The following ANGPT1 variants were observed in gnomAD, a reference collection of about 807,000 sequenced individuals.
ANGPT1 encodes the protein angiopoietin 1, also known as angiopoietin-1.
Under a neutral mutation model 62.2 loss-of-function variants are expected in ANGPT1, and 17 were observed. The observed-to-expected ratio is 0.27, with a 90% CI of 0.19 to 0.41. ANGPT1 has a LOEUF of 0.41. Ranked by LOEUF, ANGPT1 falls within the 10% of genes least tolerant of loss-of-function variation. The probability of loss-of-function intolerance (pLI) is 1.00; values close to 1 mark genes in which losing one functional copy is unlikely to be tolerated. For missense variants in ANGPT1, 478 were observed against 594.9 expected (o/e 0.80, Z 2.04); for synonymous variants, 199 against 198.9 (o/e 1.00, Z 0.00).
intron 2 of ANGPT1, among the ~76,000 whole-genome samples, chr8:107,340,867 T>C (rs1815682583): frequency 1.3e-5 from 2 of 151,994 alleles, no homozygotes; most frequent in Admixed American, 6.6e-5. Flanking sequence ...TTTGCTTTAT[T>C]TTTTTTTCCA....
intron 1 of ANGPT1, among the ~76,000 whole-genome samples, chr8:107,462,001 C>T (rs935996213): frequency 6.6e-6 from 1 of 151,990 alleles, no homozygotes; most frequent in Non-Finnish European, 1.5e-5. Flanking sequence ...TTATTCATTG[C>T]TATTATAATG....
chr8:107,483,069 C>A (rs1812727814), intron 1 of ANGPT1, among the ~76,000 whole-genome samples: 1 of 151,810 alleles, frequency 6.6e-6, no homozygotes, highest in Non-Finnish European at 1.5e-5. Flanking sequence ...TATTTGAATT[C>A]TTTAGTTGTT....
At chr8:107,287,052 A>G (rs1312905804) in intron 6 of ANGPT1, among the ~76,000 whole-genome samples, 1 of 152,154 alleles carries the variant, frequency 6.6e-6, no homozygotes, top group Non-Finnish European at 1.5e-5. Flanking sequence ...TTTGCAGCTC[A>G]GACATGTCAA....
intron 7 of ANGPT1, among the ~76,000 whole-genome samples, chr8:107,279,344 TGGAAAGATAG>T (rs1813941629): frequency 6.6e-6 from 1 of 152,208 alleles, no homozygotes; most frequent in Non-Finnish European, 1.5e-5. Flanking sequence ...AATTGAGAAC[TGGAAAGATAG>T]GTAATGTGTC....
intron 1 of ANGPT1, among the ~76,000 whole-genome samples, chr8:107,418,750 T>C (rs1810818415): frequency 6.6e-6 from 1 of 152,142 alleles, no homozygotes; most frequent in African/African-American, 2.4e-5. Flanking sequence ...GGATCCAACA[T>C]AGAAGCTTCC....
intron 3 of ANGPT1, among the ~76,000 whole-genome samples, chr8:107,328,962 A>C (rs958571913): frequency 6.6e-6 from 1 of 152,028 alleles, no homozygotes; most frequent in Non-Finnish European, 1.5e-5. Flanking sequence ...CATCTATAAA[A>C]ATAGATTGCT....
At chr8:107,397,443 G>GCT (rs1554589877) in intron 1 of ANGPT1, among the ~76,000 whole-genome samples, 1 of 150,832 alleles carries the variant, frequency 6.6e-6, no homozygotes, top group Non-Finnish European at 1.5e-5. Context: ...AATGTTGCTT[G>GCT]TGTGTGTGTG....
intron 1 of ANGPT1, among the ~76,000 whole-genome samples, chr8:107,366,828 T>TA (rs1244094124): frequency 6.6e-6 from 1 of 152,158 alleles, no homozygotes; most frequent in Non-Finnish European, 1.5e-5. Flanking sequence ...CCACTTCAAA[T>TA]ATTGCATTGT....
intron 2 of ANGPT1, among the ~76,000 whole-genome samples, chr8:107,337,967 G>T (rs1380125341): frequency 6.6e-6 from 1 of 152,104 alleles, no homozygotes; most frequent in Non-Finnish European, 1.5e-5. Flanking sequence ...ATGGTGGTTT[G>T]TGCCTGTAGT....
chr8:107,454,072 A>G (rs944104547), intron 1 of ANGPT1, among the ~76,000 whole-genome samples: 4 of 152,094 alleles, frequency 2.6e-5, no homozygotes, highest in African/African-American at 9.7e-5. Flanking sequence ...TACTGATATA[A>G]TATGAATGAA....
intron 4 of ANGPT1, among the ~76,000 whole-genome samples, chr8:107,319,783 G>GCCACTTT (rs1056143346): frequency 7.9e-5 from 12 of 151,944 alleles, no homozygotes; most frequent in Admixed American, 5.9e-4. Flanking sequence ...CCTTATGAGA[G>GCCACTTT]CCACTTTCCA....
chr8:107,351,304 C>CT (rs761398958), intron 1 of ANGPT1, among the ~76,000 whole-genome samples: 36 of 152,220 alleles, frequency 2.4e-4, no homozygotes, highest in South Asian at 4.1e-4. Context: ...TACACATTGT[C>CT]TGACTTCATC....
At chr8:107,399,819 A>T (rs1817008598) in intron 1 of ANGPT1, among the ~76,000 whole-genome samples, 1 of 152,186 alleles carries the variant, frequency 6.6e-6, no homozygotes, top group Non-Finnish European at 1.5e-5. Flanking sequence ...TTGAGATGCC[A>T]ATCTCACTGA....
chr8:107,342,861 G>T lies in ANGPT1; in HGVS notation c.453+4081C>A, dbSNP rs137887752. The stretch of plus-strand genomic sequence containing the variant: ...TATATATATATATATTTAAAGATAG[G>T]GTCTTGCTCTGTCAACCATGCTGGA... On this transcript the variant is annotated intron_variant, in intron 2 of 8. Transcript: ENST00000517746. Among the ~76,000 whole-genome samples, 977 of 149,030 alleles carry T rather than the reference G, an allele frequency of 6.6e-3. 7 individuals carry two copies. Among genetic ancestry groups the T allele is most frequent in the Non-Finnish European group, 0.01 (676 of 67,410 alleles).
At chr8:107,456,261 C>G (rs1351103607) in intron 1 of ANGPT1, among the ~76,000 whole-genome samples, 1 of 152,016 alleles carries the variant, frequency 6.6e-6, no homozygotes, top group Non-Finnish European at 1.5e-5. Context: ...ACATCTTGAG[C>G]AAAGCTGAGA....
chr8:107,487,542 A>G (rs1586364295), intron 1 of ANGPT1, among the ~76,000 whole-genome samples: 1 of 138,512 alleles, frequency 7.2e-6, no homozygotes, highest in East Asian at 2.0e-4. Context: ...TGCGTCATTC[A>G]TCTGCTAAAA....
At chr8:107,490,244 G>A (rs942251520) in intron 1 of ANGPT1, among the ~76,000 whole-genome samples, 1 of 152,184 alleles carries the variant, frequency 6.6e-6, no homozygotes, top group African/African-American at 2.4e-5. Context: ...TGGCTCTAGT[G>A]TTTTGTCAGC....
At chr8:107,254,692 G>A (rs921335437) in intron 8 of ANGPT1, among the ~76,000 whole-genome samples, 4 of 152,124 alleles carry the variant, frequency 2.6e-5, no homozygotes, top group Non-Finnish European at 4.4e-5. Context: ...AGCTTGGGAT[G>A]TGTAGGGACA....
At chr8:107,286,295 T>G (rs1554578842) in intron 6 of ANGPT1, among the ~76,000 whole-genome samples, 1 of 152,194 alleles carries the variant, frequency 6.6e-6, no homozygotes, top group Non-Finnish European at 1.5e-5. Context: ...AGAGTTTTAA[T>G]TTTTTATAAA....
Sources: allele counts gnomAD v4.1 joint callset (sites outside exome capture counted in the v4.1 genomes callset), GRCh38; gene constraint gnomAD v4.1.1; transcripts MANE v1.5; gene names NCBI Gene and HGNC (gene_info 2026-07-23, HGNC 2026-07-21).